Variants in SLC28A3 observed in about 807,000 individuals in gnomAD.
SLC28A3 encodes concentrative Na(+)-nucleoside cotransporter 3.
SLC28A3 carries 68 observed loss-of-function variants against 84.2 expected under a neutral mutation model. The observed-to-expected ratio is 0.81, with a 90% confidence interval of 0.66 to 0.99. The LOEUF (loss-of-function observed/expected upper bound fraction) is 0.99, where lower values mean the gene tolerates loss of function less well. Ranked by LOEUF, SLC28A3 falls within the 50% of genes least tolerant of loss-of-function variation. SLC28A3 has a pLI of 0.00. For missense variants in SLC28A3, 712 were observed against 841.5 expected (o/e 0.85, Z 1.90); for synonymous variants, 267 against 303.6 (o/e 0.88, Z 1.25).
chr9:84,310,664 C>T (rs548861781), intron 2 of SLC28A3: 832 of 873,942 alleles, frequency 9.5e-4, no homozygotes, highest in Non-Finnish European at 1.1e-3. Context: ...TATAATTCCA[C>T]GAGGCCAAAC....
intron 1 of SLC28A3, among the ~76,000 whole-genome samples, chr9:84,335,419 G>A (rs1404657646): frequency 6.6e-6 from 1 of 152,134 alleles, no homozygotes. Flanking sequence ...GTGGTAGCAC[G>A]TGCCTGTAGT....
chr9:84,309,014 T>C (rs1418540636), intron 3 of SLC28A3, among the ~76,000 whole-genome samples: 2 of 152,222 alleles, frequency 1.3e-5, no homozygotes, highest in East Asian at 3.9e-4. Context: ...TGCATTCGTA[T>C]GGACTGGAGC....
chr9:84,298,221 T>A (rs563489835), intron 6 of SLC28A3, among the ~76,000 whole-genome samples: 94 of 152,302 alleles, frequency 6.2e-4, no homozygotes, highest in Non-Finnish European at 1.1e-3. Context: ...GCGCAGTGGC[T>A]CATGCCTGTA....
chr9:84,283,177 A>G (rs1486892395), intron 14 of SLC28A3, among the ~76,000 whole-genome samples: 1 of 152,246 alleles, frequency 6.6e-6, no homozygotes, highest in Non-Finnish European at 1.5e-5. Flanking sequence ...TGGGTTTTAG[A>G]AGAGAAAAAG....
the SLC28A3 span, among the ~76,000 whole-genome samples, chr9:84,349,902 C>G: frequency 2.6e-5 from 4 of 152,152 alleles, no homozygotes; most frequent in Admixed American, 2.6e-4. Context: ...TGTTACTTAA[C>G]AATGGGGATA....
chr9:84,293,915 T>A (rs12343928), intron 9 of SLC28A3, among the ~76,000 whole-genome samples: 32,670 of 152,046 alleles, frequency 0.21, 5,489 homozygotes, highest in African/African-American at 0.46. Context: ...CCCAGCAGTA[T>A]CTGACCTCAA....
intron 3 of SLC28A3, among the ~76,000 whole-genome samples, chr9:84,306,398 T>TG (rs1378015990): frequency 6.6e-6 from 1 of 152,232 alleles, no homozygotes; most frequent in African/African-American, 2.4e-5. Flanking sequence ...TCTCAAGCTT[T>TG]GGGGCACAGC....
At chr9:84,366,766 C>T in the SLC28A3 span, among the ~76,000 whole-genome samples, 2 of 152,278 alleles carry the variant, frequency 1.3e-5, no homozygotes, top group South Asian at 4.1e-4. Context: ...TTCTGAGCCA[C>T]CTAAAGCTGG....
Position 84,302,273 on chromosome 9 carries a change from A to G in SLC28A3, c.451T>C (p.Tyr151His). 6.2e-6 allele frequency: 10 copies of G among 1,614,176 alleles called. No individual in the cohort carries two copies. The highest frequency in any genetic ancestry group is 8.5e-6 in the Non-Finnish European group (10 of 1,180,016). ...FVVWDHLMAK[Y>H]EHRIDEMLSP... The stretch of plus-strand genomic sequence containing the variant: ...AGCATCTCATCAATTCGATGTTCGT[A>G]TTTGGCCATCAGGTGATCCCAGACA... Residue 151 changes from tyrosine to histidine, a missense_variant, in exon 5 of 18, where the codon TAC (tyrosine) becomes CAC (histidine). By Grantham distance (83) the Tyr-to-His change is moderately conservative (BLOSUM62 2). Transcript: ENST00000376238.
chr9:84,320,982 A>AG lies in SLC28A3; in HGVS notation c.61-7529_61-7528insC, dbSNP rs1399705872. Among the ~76,000 whole-genome samples, 4 of 151,766 alleles carry AG rather than the reference A, an allele frequency of 2.6e-5. No individual in the cohort carries two copies. The South Asian group carries it at 6.3e-4, about 24-fold the overall frequency. ...ACTCCATCTCAAAAGAAAAAAAAAA[A>AG]AAAGAAAGAAAAGCTTTCAACCATG... On this transcript the variant is annotated intron_variant, in intron 1 of 17. Coordinates refer to ENST00000376238, the MANE Select transcript of SLC28A3 (RefSeq NM_001199633.2).
At position 84,321,450 on chromosome 9, in the gene SLC28A3, T is replaced by C. The variant is rs138400689; in HGVS notation, c.61-7996A>G. Reference sequence around the variant, plus strand: ...AAATTTGTGAGATTAAGAAACATTATAGGCGGGGCGCAGTGGCTCACGCCT... The same window carrying C: ...AAATTTGTGAGATTAAGAAACATTACAGGCGGGGCGCAGTGGCTCACGCCT... On this transcript the variant is annotated intron_variant, in intron 1 of 17. Coordinates refer to ENST00000376238, the MANE Select transcript of SLC28A3 (RefSeq NM_001199633.2). Among the ~76,000 whole-genome samples, 939 of 152,050 alleles carry C rather than the reference T, an allele frequency of 6.2e-3. 5 individuals carry two copies. Among genetic ancestry groups the C allele is most frequent in the African/African-American group, 0.02 (828 of 41,498 alleles).
chr9:84,357,082 G>A, the SLC28A3 span, among the ~76,000 whole-genome samples: 2 of 152,106 alleles, frequency 1.3e-5, no homozygotes, highest in Non-Finnish European at 2.9e-5. Context: ...CTGCTAGACT[G>A]TCAGCTTCAT....
the SLC28A3 span, among the ~76,000 whole-genome samples, chr9:84,361,302 G>A: frequency 0.012 from 1,779 of 152,238 alleles, 30 homozygotes; most frequent in African/African-American, 0.04. Flanking sequence ...CCGAGATCGC[G>A]CCATTGCACT....
chr9:84,301,165 T>C (rs1267964625), intron 5 of SLC28A3, among the ~76,000 whole-genome samples: 8 of 151,308 alleles, frequency 5.3e-5, no homozygotes, highest in African/African-American at 1.9e-4. Flanking sequence ...GCCTGAGCAA[T>C]ATGGTGAAAC....
At chr9:84,316,399 G>A (rs567599874) in intron 1 of SLC28A3, among the ~76,000 whole-genome samples, 2 of 152,352 alleles carry the variant, frequency 1.3e-5, no homozygotes, top group East Asian at 1.9e-4. Context: ...GTTGGGGGCA[G>A]CTCGGGGAAT....
intron 14 of SLC28A3, among the ~76,000 whole-genome samples, chr9:84,284,297 AG>A (rs1824889396): frequency 6.6e-6 from 1 of 152,238 alleles, no homozygotes. Flanking sequence ...ATGCGAGAAC[AG>A]GGAAATCTAC....
Position 84,290,184 on chromosome 9 carries a change from T to A in SLC28A3, c.1119A>T (p.Gly373=). The A allele has an allele frequency of 1.9e-6, 3 of 1,614,172 alleles. No homozygotes were observed. Among genetic ancestry groups the A allele is most frequent in the Non-Finnish European group, 2.5e-6 (3 of 1,180,008 alleles). ...IMTAGFSTIA[G]SVLGAYISFG... ...AAGAAATGTATGCACCTAGCACGCT[T>A]CCAGCAATGGTAGAGAACCCGGCGG... The change falls in exon 11 of 18, where the codon GGA becomes GGT. Residue 373 remains glycine, a synonymous_variant. Transcript: ENST00000376238.
the SLC28A3 span, among the ~76,000 whole-genome samples, chr9:84,347,743 A>G: frequency 4.6e-3 from 695 of 152,350 alleles, 3 homozygotes; most frequent in African/African-American, 0.016. Context: ...AAATGAATGC[A>G]TAGAACTGAA....
rs1050847944 is a variant in SLC28A3, at chr9:84,320,070, G to A, written c.61-6616C>T. Among the ~76,000 whole-genome samples the A allele has an allele frequency of 8.1e-4, 30 of 37,138 alleles. No homozygotes were observed. In the African/African-American group the frequency reaches 9.8e-3, roughly 12 times the overall value. The allele number at this position is 37,138 out of a possible 152,430, so 24.4% of individuals were successfully genotyped here. On this transcript the variant is annotated intron_variant, in intron 1 of 17. Coordinates refer to ENST00000376238, the MANE Select transcript of SLC28A3 (RefSeq NM_001199633.2). ...TTTTTTTTTTTTTTTTTTTTTTTGA[G>A]ACAGATTCTCGCTCTGATGCCTAGG...
Sources: allele counts gnomAD v4.1 joint callset (sites outside exome capture counted in the v4.1 genomes callset), GRCh38; gene constraint gnomAD v4.1.1; transcripts MANE v1.5; gene names NCBI Gene and HGNC (gene_info 2026-07-23, HGNC 2026-07-21).